SMAD5: variants seen among roughly 807,000 people sequenced by gnomAD.
SMAD5 encodes the protein MAD, mothers against decapentaplegic homolog 5.
Under a neutral mutation model 43.1 loss-of-function variants are expected in SMAD5, and 9 were observed. The observed-to-expected ratio is 0.21, with a 90% confidence interval of 0.13 to 0.36. The LOEUF is 0.36. Ranked by LOEUF, SMAD5 falls within the 10% of genes least tolerant of loss-of-function variation. The pLI is 1.00. For synonymous variants in SMAD5, 190 were observed against 192.4 expected, an observed-to-expected ratio of 0.99 and a Z score of 0.10; for missense variants, 348 against 574.0, an observed-to-expected ratio of 0.61 and a Z score of 4.02.
At chr5:136,145,826 G>A (rs1489836461) in intron 1 of SMAD5, among the ~76,000 whole-genome samples, 1 of 151,910 alleles carries the variant, frequency 6.6e-6, no homozygotes, top group Non-Finnish European at 1.5e-5. Flanking sequence ...TTGAACCCAA[G>A]TTTATTAGGC....
At chr5:136,177,252 G>A in intron 7 of SMAD5, 85 bp from the exon 8 acceptor site, 6 of 1,163,050 alleles carry the variant, frequency 5.2e-6, no homozygotes, top group South Asian at 1.3e-5. Context: ...ACTGTTAAAA[G>A]CTATCTTTTT....
chr5:136,148,644 A>G (rs1753348204), intron 2 of SMAD5, among the ~76,000 whole-genome samples: 1 of 151,822 alleles, frequency 6.6e-6, no homozygotes, highest in Non-Finnish European at 1.5e-5. Flanking sequence ...CAGAGTCTCT[A>G]ACCCAGGAGT....
At chr5:136,175,704 T>A (rs1436347808) in intron 7 of SMAD5, among the ~76,000 whole-genome samples, 1 of 152,230 alleles carries the variant, frequency 6.6e-6, no homozygotes, top group Non-Finnish European at 1.5e-5. Context: ...CATGGGTTTT[T>A]TTCTTTTTGG....
chr5:136,143,799 T>C (rs988202795), intron 1 of SMAD5, among the ~76,000 whole-genome samples: 1 of 151,950 alleles, frequency 6.6e-6, no homozygotes, highest in East Asian at 1.9e-4. Flanking sequence ...AGGGGAGGGG[T>C]AGAATCTGTC....
chr5:136,133,432 G>T (rs1330834424), intron 1 of SMAD5: 1 of 152,466 alleles, frequency 6.6e-6, no homozygotes, highest in African/African-American at 2.4e-5. Context: ...AATCCGTGCC[G>T]CCGTCGCTTT....
intron 5 of SMAD5, among the ~76,000 whole-genome samples, chr5:136,165,662 ATTTT>A (rs58156387): frequency 3.1e-5 from 2 of 65,456 alleles, no homozygotes; most frequent in African/African-American, 5.5e-5. Context: ...GAATCATACA[ATTTT>A]TTTTTTTTTT....
In SMAD5 at chr5:136,172,430, A is replaced by T. The variant is rs770318376; in HGVS notation, c.776-4A>T. ...AACTCTTTCTGTGTCTGGTTTGTTC[A>T]CAGATGTTCAGCCTGTTGCCTATGA... On this transcript the variant is annotated splice_region_variant and splice_polypyrimidine_tract_variant and intron_variant, in intron 5 of 7. Transcript: ENST00000545279. 1.0e-5 allele frequency: 16 copies of T among 1,566,228 alleles called. No homozygotes were observed. Among genetic ancestry groups the T allele is most frequent in the African/African-American group, 1.4e-5 (1 of 73,732 alleles).
chr5:136,166,895 A>G (rs28632783), intron 5 of SMAD5, among the ~76,000 whole-genome samples: 54,781 of 152,006 alleles, frequency 0.36, 10,862 homozygotes, highest in African/African-American at 0.54. Context: ...ATTTGTCTCA[A>G]CCAAACAACT....
chr5:136,149,212 A>G (rs1474284030), intron 2 of SMAD5, among the ~76,000 whole-genome samples: 1 of 151,892 alleles, frequency 6.6e-6, no homozygotes, highest in Non-Finnish European at 1.5e-5. Context: ...ATTTATTACC[A>G]GTATTTACCC....
chr5:136,169,396 C>G (rs983137871), intron 5 of SMAD5, among the ~76,000 whole-genome samples: 9 of 152,298 alleles, frequency 5.9e-5, no homozygotes, highest in Non-Finnish European at 1.2e-4. Context: ...GCGACACACC[C>G]ACAGACACAC....
Position 136,147,906 on chromosome 5 carries a change from T to C in SMAD5, c.-170T>C, listed in dbSNP as rs1298876409. On this transcript the variant is annotated splice_region_variant and 5_prime_UTR_variant, in exon 2 of 8. Transcript: ENST00000545279. ...ATTAAAATGTCCAGAAATCTGCCTC[T>C]GTAAGTAACCTTTTAAGATCATTCA... 6.6e-6 allele frequency: 1 copy of C among 151,836 alleles called. No individual in the cohort carries two copies. The highest frequency in any genetic ancestry group is 2.4e-5 in the African/African-American group (1 of 41,412). 9.4% of individuals were successfully genotyped at this position (151,836 alleles called of 1,614,324 possible). A position where few individuals can be genotyped will look rare whatever the true frequency, so the allele number is the denominator to read the frequency against.
chr5:136,174,344 T>A (rs4146185), intron 6 of SMAD5, 32 bp from the exon 7 acceptor site: 489,386 of 1,597,872 alleles, frequency 0.31, 78,574 homozygotes, highest in African/African-American at 0.53. Flanking sequence ...ATGATTCTTT[T>A]AGCTGACTCT....
At chr5:136,175,949 C>T (rs925669766) in intron 7 of SMAD5, among the ~76,000 whole-genome samples, 3 of 152,024 alleles carry the variant, frequency 2.0e-5, no homozygotes, top group African/African-American at 7.2e-5. Flanking sequence ...CCTGATAAAT[C>T]CAGGAAAATA....
intron 3 of SMAD5, among the ~76,000 whole-genome samples, chr5:136,155,313 A>C (rs1753599185): frequency 6.6e-6 from 1 of 152,150 alleles, no homozygotes; most frequent in Non-Finnish European, 1.5e-5. Flanking sequence ...CCTATATTTA[A>C]AATATGAGCA....
intron 4 of SMAD5, 58 bp from the exon 5 acceptor site, chr5:136,163,214 T>C (rs1753881273): frequency 1.4e-6 from 2 of 1,463,230 alleles, no homozygotes; most frequent in Non-Finnish European, 1.9e-6. Context: ...TCTAAAGCTT[T>C]TAGAGTAATA....
At chr5:136,138,614 C>T (rs1051210944) in intron 1 of SMAD5, among the ~76,000 whole-genome samples, 1 of 152,134 alleles carries the variant, frequency 6.6e-6, no homozygotes, top group Non-Finnish European at 1.5e-5. Flanking sequence ...TACTTGCTGA[C>T]ACTTGGTGAC....
At chr5:136,143,781 G>T (rs1753172019) in intron 1 of SMAD5, among the ~76,000 whole-genome samples, 1 of 151,902 alleles carries the variant, frequency 6.6e-6, no homozygotes, top group African/African-American at 2.4e-5. Flanking sequence ...CAGTGTGTTT[G>T]AGTTTGCAGG....
chr5:136,147,102 A>C (rs1169814392), intron 1 of SMAD5, among the ~76,000 whole-genome samples: 2 of 151,760 alleles, frequency 1.3e-5, no homozygotes, highest in African/African-American at 4.8e-5. Flanking sequence ...TTTTTTAAAA[A>C]GTGGTACATT....
Position 136,177,346 on chromosome 5 carries a change from G to A in SMAD5, c.1264G>A (p.Ala422Thr), listed in dbSNP as rs1363871460. The A allele has an allele frequency of 1.2e-6, 2 of 1,613,612 alleles. No individual in the cohort carries two copies. The highest frequency in any genetic ancestry group is 1.7e-6 in the Non-Finnish European group (2 of 1,179,754). Reference sequence around the variant, plus strand: ...CTGTTCATTTTCATAGGGTTGGGGAGCAGAATATCACCGGCAGGATGTAAC... The same window carrying A: ...CTGTTCATTTTCATAGGGTTGGGGAACAGAATATCACCGGCAGGATGTAAC... Reference protein sequence around the residue: ...IRMSFVKGWGAEYHRQDVTST... With the variant: ...IRMSFVKGWGTEYHRQDVTST... The change falls in exon 8 of 8, where the codon GCA becomes ACA. Residue 422 changes from alanine (A) to threonine (T), a missense_variant. Transcript: ENST00000545279.
Sources: allele counts gnomAD v4.1 joint callset (sites outside exome capture counted in the v4.1 genomes callset), GRCh38; gene constraint gnomAD v4.1.1; transcripts MANE v1.5; gene names NCBI Gene and HGNC (gene_info 2026-07-23, HGNC 2026-07-21).